Variants in MPRIP observed in about 807,000 individuals in gnomAD.
MPRIP encodes the protein myosin phosphatase Rho-interacting protein.
Under a neutral mutation model 234.9 loss-of-function variants are expected in MPRIP, and 59 were observed. That is an observed-to-expected ratio of 0.25 (90% CI 0.20 to 0.31). MPRIP has a LOEUF of 0.31. Among genes scored for constraint, MPRIP ranks in the 10% least tolerant of loss-of-function variants. MPRIP has a pLI of 1.00. For synonymous variants in MPRIP, 1,144 were observed against 1,263.9 expected, an observed-to-expected ratio of 0.91 and a Z score of 2.01; for missense variants, 2,436 against 3,071.0, an observed-to-expected ratio of 0.79 and a Z score of 4.89.
chr17:17,176,830 G>A (rs2046265239), intron 21 of MPRIP, among the ~76,000 whole-genome samples: 2 of 152,322 alleles, frequency 1.3e-5, no homozygotes, highest in East Asian at 3.9e-4. Flanking sequence ...CCGCCCCCTG[G>A]CTTCCACCAG....
intron 3 of MPRIP, among the ~76,000 whole-genome samples, chr17:17,109,061 C>T (rs1388758991): frequency 6.6e-6 from 1 of 152,236 alleles, no homozygotes; most frequent in African/African-American, 2.4e-5. Flanking sequence ...TCTCCCTTTC[C>T]TTCTGTGTCC....
rs557649253 is a variant in MPRIP at position 17,143,599 on chromosome 17, C to T, written c.1433C>T (p.Ser478Leu). 6.2e-6 allele frequency: 10 copies of T among 1,604,970 alleles called. No individual in the cohort carries two copies. The highest frequency in any genetic ancestry group is 1.7e-4 in the Middle Eastern group (1 of 6,044). ...CCCCCAGCTCCTCTCCCAGACGCCT[C>T]GGCTTCCCCCCTGTCTCCACACCGA... ...EAPPAPLPDASASPLSPHRRA... is the reference protein window; with the variant it reads ...EAPPAPLPDALASPLSPHRRA... Residue 478 changes from serine to leucine, a missense_variant, in exon 9 of 24, where the codon TCG becomes TTG. By Grantham distance (145) the Ser-to-Leu change is moderately radical. Transcript: ENST00000651222.
intron 2 of MPRIP, 132 bp downstream of exon 2, chr17:17,075,919 C>T: frequency 2.4e-6 from 2 of 819,346 alleles, no homozygotes; most frequent in Non-Finnish European, 4.0e-6. Flanking sequence ...GCAGGGCTCC[C>T]CCATTTGGTG....
intron 22 of MPRIP, chr17:17,178,316 A>G (rs1346200545): frequency 6.6e-6 from 1 of 152,240 alleles, no homozygotes; most frequent in East Asian, 1.9e-4. Context: ...ATATCAAAAA[A>G]GAAAAAATCA....
At chr17:17,125,449 GGGCTCTGCAAAGCCAGCAGCCCTCC>G (rs2090473262) in intron 3 of MPRIP, among the ~76,000 whole-genome samples, 1 of 152,240 alleles carries the variant, frequency 6.6e-6, no homozygotes, top group Non-Finnish European at 1.5e-5. Flanking sequence ...ATGTAGGCAA[GGGCTCTGCAAAGCCAGCAGCCCTCC>G]GGTCTGACTC....
intron 3 of MPRIP, chr17:17,096,744 A>G (rs2089855248): frequency 2.1e-6 from 1 of 470,944 alleles, no homozygotes; most frequent in African/African-American, 2.0e-5. Context: ...GAGCACTAAT[A>G]TATTTTCCTT....
At chr17:17,118,087 C>A (rs2090319420) in intron 3 of MPRIP, among the ~76,000 whole-genome samples, 2 of 152,242 alleles carry the variant, frequency 1.3e-5, no homozygotes, top group African/African-American at 2.4e-5. Flanking sequence ...GAGCTGGTCT[C>A]CCTGGCCTGT....
chr17:17,164,109 A>G lies in MPRIP; in HGVS notation c.2518A>G (p.Thr840Ala), dbSNP rs898294771. The G allele has an allele frequency of 5.4e-6, 7 of 1,303,892 alleles. No homozygotes were observed. The highest frequency in any genetic ancestry group is 7.1e-6 in the Non-Finnish European group (7 of 988,960). 80.8% of individuals were successfully genotyped at this position (1,303,892 alleles called of 1,614,324 possible). A position where few individuals can be genotyped will look rare whatever the true frequency, so the allele number is the denominator to read the frequency against. ...QSAREGYVLQ[T>A]EVAASPSGAW... Reference sequence around the variant, plus strand: ...CCAGTATTTAATCGGTTTTTTTAAGACTGAAGTGGCCGCCTCCCCATCGGG... The same window carrying G: ...CCAGTATTTAATCGGTTTTTTTAAGGCTGAAGTGGCCGCCTCCCCATCGGG... The change falls in exon 16 of 24, where the codon ACT becomes GCT. Residue 840 changes from threonine (T) to alanine (A), a missense_variant and splice_region_variant. Thr to Ala is a moderately conservative substitution (Grantham distance 58). This residue lies in a region of MPRIP where 1,998 missense variants were observed against 2,520.3 expected (regional missense o/e 0.79). Coordinates refer to ENST00000651222, the MANE Select transcript of MPRIP (RefSeq NM_001364716.4).
At chr17:17,081,617 G>A (rs189907376) in intron 3 of MPRIP, among the ~76,000 whole-genome samples, 3 of 152,334 alleles carry the variant, frequency 2.0e-5, no homozygotes, top group East Asian at 1.9e-4. Flanking sequence ...AGGTCACAGC[G>A]TGCAGGAGAG....
intron 13 of MPRIP, among the ~76,000 whole-genome samples, 159 bp downstream of exon 13, chr17:17,154,574 G>T (rs1021105922): frequency 1.3e-5 from 2 of 152,214 alleles, no homozygotes; most frequent in African/African-American, 4.8e-5. Flanking sequence ...TCAGGTTCCT[G>T]TCCCAAGTAA....
intron 3 of MPRIP, among the ~76,000 whole-genome samples, chr17:17,119,280 G>A (rs1197774029): frequency 6.6e-6 from 1 of 152,268 alleles, no homozygotes; most frequent in African/African-American, 2.4e-5. Flanking sequence ...TTCCTGCCTG[G>A]GCGCTGCCTA....
chr17:17,076,048 A>G, intron 2 of MPRIP: 1 of 439,694 alleles, frequency 2.3e-6, no homozygotes, highest in Non-Finnish European at 4.1e-6. Context: ...GACTCTAGGA[A>G]CAGTAAAATG....
At chr17:17,134,902 G>C (rs182050982) in intron 5 of MPRIP, among the ~76,000 whole-genome samples, 1 of 152,222 alleles carries the variant, frequency 6.6e-6, no homozygotes, top group Non-Finnish European at 1.5e-5. Context: ...GCAAGTGTGC[G>C]CACATACATG....
rs138503451 is a variant in MPRIP at position 17,047,980 on chromosome 17, G to T, written c.123+5009G>T. On this transcript the variant is annotated intron_variant, in intron 1 of 23. Transcript: ENST00000651222. ...AGGCTGGGAGGTGAATCAGAGGGGT[G>T]GGCATTAGTGGGAGAAGCAGGTCTG... is the stretch of plus-strand genomic sequence containing the variant. Among the ~76,000 whole-genome samples the T allele has an allele frequency of 2.2e-3, 331 of 152,170 alleles. 1 individual carries two copies. Among genetic ancestry groups the T allele is most frequent in the Middle Eastern group, 0.017 (5 of 294 alleles).
intron 2 of MPRIP, 131 bp downstream of exon 2, chr17:17,075,918 C>T (rs2144040920): frequency 1.2e-6 from 1 of 831,624 alleles, no homozygotes; most frequent in South Asian, 1.6e-5. Flanking sequence ...AGCAGGGCTC[C>T]CCCATTTGGT....
chr17:17,060,109 C>G (rs1313076919), intron 1 of MPRIP, among the ~76,000 whole-genome samples: 1 of 152,172 alleles, frequency 6.6e-6, no homozygotes, highest in Non-Finnish European at 1.5e-5. Context: ...GCTTCCTGAC[C>G]TCCTGCGCAG....
In MPRIP at chr17:17,191,944, G is replaced by A. The variant is rs897627411; in HGVS notation, c.*7050G>A. ...TTAAGTATAAGAATTACTTCATGTG[G>A]TTTTCCTAGGGTACAATTTATAAAA... On this transcript the variant is annotated 3_prime_UTR_variant, in exon 24 of 24. Coordinates refer to ENST00000651222, the MANE Select transcript of MPRIP (RefSeq NM_001364716.4). The A allele has an allele frequency of 3.3e-5, 5 of 152,206 alleles. No homozygotes were observed. Among genetic ancestry groups the A allele is most frequent in the African/African-American group, 1.2e-4 (5 of 41,524 alleles). 9.4% of individuals were successfully genotyped at this position (152,206 alleles called of 1,614,324 possible).
chr17:17,111,621 G>A lies in MPRIP; in HGVS notation c.268-15081G>A, dbSNP rs937417409. Among the ~76,000 whole-genome samples, 6 of 152,308 alleles carry A rather than the reference G, an allele frequency of 3.9e-5. No homozygotes were observed. The East Asian group carries it at 5.8e-4, about 15-fold the overall frequency. On this transcript the variant is annotated intron_variant, in intron 3 of 23. Coordinates refer to ENST00000651222, the MANE Select transcript of MPRIP (RefSeq NM_001364716.4). ...AACAGCTGTGGAGAGTGAAGCCAGC[G>A]TCCCTCTTGGGACCGCATGTTCTGT...
chr17:17,052,733 C>T (rs1361968457), intron 1 of MPRIP, among the ~76,000 whole-genome samples: 4 of 152,180 alleles, frequency 2.6e-5, no homozygotes, highest in African/African-American at 9.7e-5. Flanking sequence ...CTCGGGGTGC[C>T]CCACATCCCC....
Sources: gnomAD v4.1 joint callset for allele counts (sites outside exome capture counted in the v4.1 genomes callset) on GRCh38, gnomAD v4.1.1 for gene constraint, gnomAD v4.1.1 regional missense constraint, MANE v1.5 for transcripts, NCBI Gene and HGNC (gene_info 2026-07-23, HGNC 2026-07-21) for gene names.